The following PKIB variants were observed in gnomAD, a reference collection of about 807,000 sequenced individuals.
PKIB encodes the protein PKI-beta.
A neutral mutation model predicts 4.5 loss-of-function variants in PKIB; 2 were observed. That is an observed-to-expected ratio of 0.44 (90% CI 0.18 to 1.39). The LOEUF (loss-of-function observed/expected upper bound fraction) is 1.39, where lower values mean the gene tolerates loss of function less well. Among genes scored for constraint, PKIB ranks in the 40% most tolerant of loss-of-function variants. PKIB has a pLI of 0.27. For synonymous variants in PKIB, 38 were observed against 36.0 expected (o/e 1.06, Z -0.20); for missense variants, 94 against 92.6 (o/e 1.02, Z -0.06).
At chr6:122,724,155 T>G (rs993743821) in intron 4 of PKIB, among the ~76,000 whole-genome samples, 2 of 152,150 alleles carry the variant, frequency 1.3e-5, no homozygotes, top group Admixed American at 1.3e-4. Context: ...AAAGAGAAGA[T>G]AGTATGTGGA....
intron 3 of PKIB, among the ~76,000 whole-genome samples, chr6:122,603,862 A>T (rs1774448913): frequency 6.6e-6 from 1 of 152,146 alleles, no homozygotes; most frequent in Non-Finnish European, 1.5e-5. Context: ...TAGTCACGAA[A>T]ATATCTTTGG....
chr6:122,523,791 A>G (rs1319509006), intron 2 of PKIB, among the ~76,000 whole-genome samples: 1 of 151,982 alleles, frequency 6.6e-6, no homozygotes, highest in Non-Finnish European at 1.5e-5. Context: ...TCAAGAAAAA[A>G]AAAAAAGGAT....
chr6:122,704,979 T>G (rs1304478305), intron 3 of PKIB, among the ~76,000 whole-genome samples: 2 of 152,118 alleles, frequency 1.3e-5, no homozygotes, highest in Non-Finnish European at 2.9e-5. Context: ...TGCTTTTAGC[T>G]CAAACAATTG....
In PKIB at chr6:122,553,478, C is replaced by CTTCTTTTTTTTTTTTTT. The variant is rs1772745971; in HGVS notation, c.-247-32440_-247-32424dup. Among the ~76,000 whole-genome samples, 2 of 48,928 alleles carry CTTCTTTTTTTTTTTTTT rather than the reference C, an allele frequency of 4.1e-5. 1 individual carries two copies. Among genetic ancestry groups the CTTCTTTTTTTTTTTTTT allele is most frequent in the African/African-American group, 2.3e-4 (2 of 8,630 alleles). The allele number at this position is 48,928 out of a possible 152,430, so 32.1% of individuals were successfully genotyped here. On this transcript the variant is annotated intron_variant, in intron 2 of 6. Transcript: ENST00000392491. ...TCATCTCTCAAGATTGCTCAAATAT[C>CTTCTTTTTTTTTTTTTT]TTCTTTTTTTTTTTTTTTTTTTTTT...
intron 1 of PKIB, among the ~76,000 whole-genome samples, chr6:122,473,646 C>T (rs1483620955): frequency 6.6e-6 from 1 of 152,160 alleles, no homozygotes; most frequent in Non-Finnish European, 1.5e-5. Flanking sequence ...TCATTTTTCT[C>T]TTTGCCAACT....
intron 1 of PKIB, among the ~76,000 whole-genome samples, chr6:122,473,292 A>G (rs547044332): frequency 1.4e-4 from 22 of 152,230 alleles, no homozygotes; most frequent in African/African-American, 5.3e-4. Context: ...CGTAAAGAAT[A>G]TGTTTATTAG....
intron 2 of PKIB, among the ~76,000 whole-genome samples, chr6:122,546,367 G>A (rs1466795233): frequency 1.3e-5 from 2 of 150,882 alleles, no homozygotes; most frequent in African/African-American, 4.9e-5. Flanking sequence ...AATGACTATA[G>A]CATTCCAAAA....
chr6:122,696,947 G>A (rs9490525), intron 3 of PKIB, among the ~76,000 whole-genome samples: 34,237 of 152,072 alleles, frequency 0.23, 4,294 homozygotes, highest in Non-Finnish European at 0.26. Context: ...CCCTGTGGGT[G>A]AGGGAGAGCT....
intron 2 of PKIB, among the ~76,000 whole-genome samples, chr6:122,659,782 G>A (rs1378460872): frequency 2.0e-5 from 3 of 152,062 alleles, no homozygotes; most frequent in African/African-American, 7.2e-5. Context: ...AGTGAGAGGA[G>A]AATCTGTAAA....
chr6:122,667,972 C>A (rs1355601864), intron 2 of PKIB, among the ~76,000 whole-genome samples: 2 of 152,134 alleles, frequency 1.3e-5, no homozygotes, highest in Non-Finnish European at 2.9e-5. Context: ...ATGCAACCCC[C>A]ACCCTCTACC....
intron 2 of PKIB, among the ~76,000 whole-genome samples, chr6:122,487,576 C>T (rs770690413): frequency 4.6e-5 from 7 of 152,122 alleles, no homozygotes; most frequent in Non-Finnish European, 1.0e-4. Context: ...CATGTGAAGA[C>T]ACAGCAAGAA....
chr6:122,508,695 A>G (rs1218558942), intron 2 of PKIB, among the ~76,000 whole-genome samples: 13 of 152,168 alleles, frequency 8.5e-5, no homozygotes, highest in Admixed American at 8.5e-4. Flanking sequence ...CAGTTTTAAT[A>G]TGTTGAGTAG....
At chr6:122,603,839 A>T (rs1001892504) in intron 3 of PKIB, among the ~76,000 whole-genome samples, 1 of 152,214 alleles carries the variant, frequency 6.6e-6, no homozygotes, top group Admixed American at 6.5e-5. Flanking sequence ...CAAATAACTT[A>T]CCACATACTT....
At chr6:122,523,611 C>A (rs1777011814) in intron 2 of PKIB, among the ~76,000 whole-genome samples, 1 of 151,974 alleles carries the variant, frequency 6.6e-6, no homozygotes, top group Non-Finnish European at 1.5e-5. Context: ...GGTGAAAACC[C>A]ATCTCTACTA....
chr6:122,523,491 A>G (rs961967955), intron 2 of PKIB, among the ~76,000 whole-genome samples: 15 of 152,126 alleles, frequency 9.9e-5, no homozygotes, highest in African/African-American at 1.9e-4. Context: ...TGTTCTCATG[A>G]TAGTTAATAA....
In PKIB at chr6:122,725,147, A is replaced by G. The variant is rs771722481; in HGVS notation, c.189A>G (p.Glu63=). The change falls in exon 5 of 5, where the codon GAA becomes GAG. Residue 63 remains glutamate (E), a synonymous_variant. Transcript: ENST00000368452. ...TTTCAGATGCAAAAGAGAAAGATGA[A>G]AAAACAACACAAGACCAATTGGAAA... ...SVKEDAKEKD[E]KTTQDQLEKP... is the part of the protein sequence containing the mutation. 5.0e-6 allele frequency: 8 copies of G among 1,610,574 alleles called. No homozygotes were observed. The highest frequency in any genetic ancestry group is 6.8e-6 in the Non-Finnish European group (8 of 1,178,854).
At chr6:122,615,722 GA>G (rs1774954404) in intron 1 of PKIB, among the ~76,000 whole-genome samples, 2 of 152,274 alleles carry the variant, frequency 1.3e-5, no homozygotes, top group Admixed American at 1.3e-4. Context: ...GACACAAAGA[GA>G]AAGACACATA....
chr6:122,535,979 T>C (rs1015522834), intron 2 of PKIB, among the ~76,000 whole-genome samples: 1 of 152,160 alleles, frequency 6.6e-6, no homozygotes, highest in Admixed American at 6.6e-5. Flanking sequence ...TAAGACTCTG[T>C]CACCCAAGTT....
At chr6:122,648,607 G>A (rs899855110) in intron 2 of PKIB, among the ~76,000 whole-genome samples, 1 of 152,228 alleles carries the variant, frequency 6.6e-6, no homozygotes, top group South Asian at 2.1e-4. Context: ...AAGCAATGCT[G>A]TGTGGATTAC....
Sources: gnomAD v4.1 joint callset for allele counts (sites outside exome capture counted in the v4.1 genomes callset) on GRCh38, gnomAD v4.1.1 for gene constraint, MANE v1.5 for transcripts, NCBI Gene and HGNC (gene_info 2026-07-23, HGNC 2026-07-21) for gene names.